STAU2: variants seen among roughly 807,000 people sequenced by gnomAD.
The protein encoded by STAU2 is double-stranded RNA-binding protein Staufen homolog 2.
A neutral mutation model predicts 65.9 loss-of-function variants in STAU2; 20 were observed. The ratio of observed to expected loss-of-function variants is 0.30; its 90% CI spans 0.21 to 0.44. The LOEUF is 0.44. STAU2 is among the 20% of genes least tolerant of loss of function. The pLI is 1.00. For missense variants in STAU2, 558 were observed against 683.9 expected (o/e 0.82, Z 2.05); for synonymous variants, 232 against 233.9 (o/e 0.99, Z 0.07).
chr8:73,746,870 C>A, upstream of STAU2: 1 of 1,193,414 alleles, frequency 8.4e-7, no homozygotes, highest in Non-Finnish European at 1.0e-6. Context: ...CGGCTTCCAC[C>A]CCTCGGGCTC....
chr8:73,715,315 G>T (rs1462233789), intron 3 of STAU2, among the ~76,000 whole-genome samples: 1 of 151,762 alleles, frequency 6.6e-6, no homozygotes, highest in Non-Finnish European at 1.5e-5. Context: ...AATCAGCCAG[G>T]CATGGTGGCA....
chr8:73,426,855 T>C (rs921795962), intron 13 of STAU2, among the ~76,000 whole-genome samples: 1 of 152,146 alleles, frequency 6.6e-6, no homozygotes, highest in Non-Finnish European at 1.5e-5. Flanking sequence ...TTATGCATCA[T>C]CTCAATACTT....
At chr8:73,551,077 C>CT (rs1452515684) in intron 13 of STAU2, 1 of 987,162 alleles carries the variant, frequency 1.0e-6, no homozygotes, top group Non-Finnish European at 1.2e-6. Context: ...AATACACTCT[C>CT]TACACACAAG....
intron 6 of STAU2, among the ~76,000 whole-genome samples, chr8:73,661,911 T>C (rs1816860485): frequency 6.6e-6 from 1 of 152,208 alleles, no homozygotes; most frequent in African/African-American, 2.4e-5. Context: ...TATAAGTCTT[T>C]GAATGGCCAT....
chr8:73,672,903 A>G (rs1027805495), intron 6 of STAU2: 16 of 286,278 alleles, frequency 5.6e-5, no homozygotes, highest in Middle Eastern at 9.9e-4. Context: ...GGGTAGGGGA[A>G]AAAAAAAAAA....
intron 4 of STAU2, among the ~76,000 whole-genome samples, chr8:73,695,287 A>C (rs902889726): frequency 6.6e-6 from 1 of 152,214 alleles, no homozygotes; most frequent in Middle Eastern, 3.2e-3. Flanking sequence ...ACCATAGGAT[A>C]AGGCACCAGG....
intron 13 of STAU2, among the ~76,000 whole-genome samples, chr8:73,505,874 C>A (rs1380225213): frequency 6.6e-6 from 1 of 151,930 alleles, no homozygotes; most frequent in Non-Finnish European, 1.5e-5. Flanking sequence ...TAGCATCATC[C>A]CCTTGGTGAT....
intron 6 of STAU2, among the ~76,000 whole-genome samples, chr8:73,658,891 C>T (rs993592287): frequency 6.0e-5 from 9 of 149,728 alleles, no homozygotes; most frequent in African/African-American, 7.4e-5. Context: ...CCAGCCTGGG[C>T]GACAGAGAGA....
intron 4 of STAU2, among the ~76,000 whole-genome samples, chr8:73,708,817 T>C (rs1021764351): frequency 5.3e-5 from 8 of 152,170 alleles, no homozygotes; most frequent in Non-Finnish European, 7.4e-5. Context: ...TTTATTAAGA[T>C]TTATATGAAG....
Position 73,739,856 on chromosome 8 carries a change from T to C in STAU2, c.-184A>G, listed in dbSNP as rs1309921859. On this transcript the variant is annotated 5_prime_UTR_variant, in exon 2 of 15. Transcript: ENST00000524300. ...TTTAAAAAGTAAGCTAAAGTCCTTG[T>C]GGTAGGCAGCCTCTAACAAATAGAA... The C allele has an allele frequency of 4.2e-6, 5 of 1,192,014 alleles. No homozygotes were observed. Among genetic ancestry groups the C allele is most frequent in the Middle Eastern group, 3.9e-4 (2 of 5,174 alleles). 73.8% of individuals were successfully genotyped at this position (1,192,014 alleles called of 1,614,324 possible).
At chr8:73,575,994 T>G (rs1204192373) in intron 12 of STAU2, among the ~76,000 whole-genome samples, 1 of 152,130 alleles carries the variant, frequency 6.6e-6, no homozygotes, top group African/African-American at 2.4e-5. Flanking sequence ...AAACTTCAAC[T>G]AAATTCATCA....
intron 13 of STAU2, chr8:73,439,261 AG>A (rs1817944865): frequency 2.9e-6 from 1 of 348,154 alleles, no homozygotes; most frequent in Non-Finnish European, 5.7e-6. Flanking sequence ...TGCATGCAAA[AG>A]TCAAGCACTA....
chr8:73,569,605 C>T (rs12680403), intron 12 of STAU2, among the ~76,000 whole-genome samples: 43 of 151,862 alleles, frequency 2.8e-4, no homozygotes, highest in East Asian at 2.4e-3. Context: ...CCCTCTGAGA[C>T]GACGCTTCCA....
chr8:73,723,229 A>G (rs1821809322), intron 3 of STAU2, among the ~76,000 whole-genome samples: 1 of 152,246 alleles, frequency 6.6e-6, no homozygotes, highest in Non-Finnish European at 1.5e-5. Flanking sequence ...CTGAAGTCCC[A>G]AAGAAAACCC....
chr8:73,498,080 G>T (rs1036551639), intron 13 of STAU2, among the ~76,000 whole-genome samples: 1 of 151,792 alleles, frequency 6.6e-6, no homozygotes, highest in African/African-American at 2.4e-5. Flanking sequence ...CATGTCCGTT[G>T]AAGTTAACTT....
intron 13 of STAU2, among the ~76,000 whole-genome samples, chr8:73,546,084 G>A (rs1434679035): frequency 7.1e-6 from 1 of 141,200 alleles, no homozygotes; most frequent in African/African-American, 2.6e-5. Context: ...GGGATTACAG[G>A]TGCCTGCCAC....
At chr8:73,447,929 C>T (rs1818565982) in intron 13 of STAU2, among the ~76,000 whole-genome samples, 1 of 152,218 alleles carries the variant, frequency 6.6e-6, no homozygotes, top group Non-Finnish European at 1.5e-5. Context: ...CAAGACACAC[C>T]GGGACATTCC....
At chr8:73,551,204 C>A (rs746950264) in intron 13 of STAU2, 92 of 987,402 alleles carry the variant, frequency 9.3e-5, no homozygotes, top group Non-Finnish European at 1.1e-4. Context: ...CTTTCAAAAG[C>A]TCCAATGTAT....
intron 13 of STAU2, among the ~76,000 whole-genome samples, chr8:73,532,756 C>T (rs1805906104): frequency 1.3e-5 from 2 of 152,210 alleles, no homozygotes; most frequent in Non-Finnish European, 2.9e-5. Context: ...CCTTGGCCTC[C>T]ACAACCACTC....
Sources: gnomAD v4.1 joint callset for allele counts (sites outside exome capture counted in the v4.1 genomes callset) on GRCh38, gnomAD v4.1.1 for gene constraint, MANE v1.5 for transcripts, NCBI Gene and HGNC (gene_info 2026-07-23, HGNC 2026-07-21) for gene names.